Variants in LYPD6B observed in about 807,000 individuals in gnomAD.
LYPD6B encodes the protein ly6/PLAUR domain-containing protein 6B.
A neutral mutation model predicts 22.8 loss-of-function variants in LYPD6B; 17 were observed. The ratio of observed to expected loss-of-function variants is 0.75; its 90% CI spans 0.51 to 1.12. LYPD6B has a LOEUF of 1.12. Ranked by LOEUF, LYPD6B falls within the 50% of genes most tolerant of loss-of-function variation. The pLI, the probability that LYPD6B is intolerant of heterozygous loss-of-function variation, is 0.00. For missense variants in LYPD6B, 221 were observed against 258.3 expected (o/e 0.86, Z 0.99); for synonymous variants, 106 against 91.6 (o/e 1.16, Z -0.90).
At chr2:149,156,217 G>C (rs1018188554) in intron 2 of LYPD6B, among the ~76,000 whole-genome samples, 1 of 152,118 alleles carries the variant, frequency 6.6e-6, no homozygotes, top group Non-Finnish European at 1.5e-5. Context: ...GGAAGGCAGT[G>C]GTCTCCTGTT....
chr2:149,057,766 G>A (rs1683873551), intron 1 of LYPD6B, among the ~76,000 whole-genome samples: 1 of 152,172 alleles, frequency 6.6e-6, no homozygotes, highest in African/African-American at 2.4e-5. Context: ...GAAAGGGGGT[G>A]GAAAGGGGAT....
chr2:149,198,318 A>G (rs1234794058), intron 3 of LYPD6B, among the ~76,000 whole-genome samples: 1 of 152,206 alleles, frequency 6.6e-6, no homozygotes, highest in Non-Finnish European at 1.5e-5. Context: ...CTGGGATTAC[A>G]GGCATGAGCC....
At chr2:149,097,338 G>T (rs1230792352) in intron 1 of LYPD6B, among the ~76,000 whole-genome samples, 3 of 152,258 alleles carry the variant, frequency 2.0e-5, no homozygotes, top group Non-Finnish European at 4.4e-5. Context: ...CCAACAGGAT[G>T]CTAGGGAGGA....
intron 1 of LYPD6B, among the ~76,000 whole-genome samples, chr2:149,120,383 A>ATATATATTTTTTT (rs1327065975): frequency 8.2e-5 from 4 of 48,610 alleles, no homozygotes; most frequent in African/African-American, 4.3e-4. Context: ...ATATATATAT[A>ATATATATTTTTTT]TTTTTTTTTT....
chr2:149,039,219 G>A (rs918966778), intron 1 of LYPD6B, among the ~76,000 whole-genome samples: 1 of 152,244 alleles, frequency 6.6e-6, no homozygotes, highest in South Asian at 2.1e-4. Context: ...CCAAGAGCGA[G>A]CGTGCCAGCT....
intron 1 of LYPD6B, among the ~76,000 whole-genome samples, chr2:149,099,477 A>ACCTAGGATCCTTGGTCCCCTCT (rs869127273): frequency 1.1e-5 from 1 of 92,424 alleles, no homozygotes; most frequent in Non-Finnish European, 2.4e-5. Flanking sequence ...TGGTCCCCTC[A>ACCTAGGATCCTTGGTCCCCTCT]TGGTAGGGTC....
At chr2:149,172,979 CATATAT>C (rs35825610) in intron 3 of LYPD6B, among the ~76,000 whole-genome samples, 1 of 148,442 alleles carries the variant, frequency 6.7e-6, no homozygotes, top group Non-Finnish European at 1.5e-5. Flanking sequence ...TTTTAATAAG[CATATAT>C]ATATATATAT....
intron 1 of LYPD6B, among the ~76,000 whole-genome samples, chr2:149,042,219 T>A (rs561440667): frequency 6.6e-6 from 1 of 152,346 alleles, no homozygotes; most frequent in Middle Eastern, 3.4e-3. Flanking sequence ...CTTTGGTAGT[T>A]GCATTTAGTA....
intron 1 of LYPD6B, among the ~76,000 whole-genome samples, chr2:149,130,579 A>C (rs896960507): frequency 6.6e-6 from 1 of 152,178 alleles, no homozygotes; most frequent in African/African-American, 2.4e-5. Flanking sequence ...GAGCTGGATT[A>C]AGTGATTTTC....
rs1031707654 is a variant in LYPD6B, at chr2:149,194,707, T to C, written c.78-10546T>C. Among the ~76,000 whole-genome samples, 19 of 152,290 alleles carry C rather than the reference T, an allele frequency of 1.2e-4. No individual in the cohort carries two copies. In the South Asian group the frequency reaches 3.9e-3, roughly 32 times the overall value. On this transcript the variant is annotated intron_variant, in intron 3 of 6. Transcript: ENST00000409642. Reference sequence around the variant, plus strand: ...CATCTGCCAGTCTACCAGCACCTGCTATTGGCCAAACCAAACCAGCAGCCA... The same window carrying C: ...CATCTGCCAGTCTACCAGCACCTGCCATTGGCCAAACCAAACCAGCAGCCA...
intron 3 of LYPD6B, among the ~76,000 whole-genome samples, chr2:149,191,294 A>C (rs111522885): frequency 0.11 from 16,493 of 152,220 alleles, 1,001 homozygotes; most frequent in Non-Finnish European, 0.11. Context: ...ACTTAATTAA[A>C]TAATGTAAAA....
intron 2 of LYPD6B, among the ~76,000 whole-genome samples, chr2:149,134,684 G>A (rs6730642): frequency 0.24 from 36,681 of 152,098 alleles, 5,702 homozygotes; most frequent in East Asian, 0.54. Flanking sequence ...TGGTATGGGA[G>A]GAGGCAAAGG....
intron 1 of LYPD6B, among the ~76,000 whole-genome samples, chr2:149,089,886 G>A (rs1236270461): frequency 6.6e-6 from 1 of 152,214 alleles, no homozygotes; most frequent in Non-Finnish European, 1.5e-5. Context: ...GGCTGGGTGG[G>A]TGAGTGTTTG....
chr2:149,192,800 G>A (rs565864176), intron 3 of LYPD6B, among the ~76,000 whole-genome samples: 10 of 152,256 alleles, frequency 6.6e-5, no homozygotes, highest in Non-Finnish European at 1.5e-4. Context: ...ACACTAAAGG[G>A]TAAATGCAAA....
At chr2:149,096,399 G>T (rs1356734003) in intron 1 of LYPD6B, among the ~76,000 whole-genome samples, 1 of 152,198 alleles carries the variant, frequency 6.6e-6, no homozygotes, top group Non-Finnish European at 1.5e-5. Context: ...CCGCACAAAT[G>T]TAAGTTTGTT....
chr2:149,113,005 A>C (rs146645062), intron 1 of LYPD6B, among the ~76,000 whole-genome samples: 2 of 152,316 alleles, frequency 1.3e-5, no homozygotes, highest in Non-Finnish European at 2.9e-5. Flanking sequence ...GAAGGCAGAT[A>C]GAAGGTATGG....
chr2:149,065,132 A>G (rs1684262984), intron 1 of LYPD6B, among the ~76,000 whole-genome samples: 2 of 152,190 alleles, frequency 1.3e-5, no homozygotes. Flanking sequence ...CATGAAGTGT[A>G]TGTCTGCCTT....
At chr2:149,079,973 T>C (rs1371800453) in intron 1 of LYPD6B, among the ~76,000 whole-genome samples, 2 of 152,238 alleles carry the variant, frequency 1.3e-5, no homozygotes, top group Non-Finnish European at 2.9e-5. Flanking sequence ...TGCACTTCTT[T>C]CCCGATTTCT....
At chr2:149,097,372 C>G (rs1341747873) in intron 1 of LYPD6B, among the ~76,000 whole-genome samples, 2 of 152,236 alleles carry the variant, frequency 1.3e-5, no homozygotes, top group Non-Finnish European at 2.9e-5. Context: ...TACACCATAC[C>G]TGGAAACACA....
Sources: allele counts gnomAD v4.1 joint callset (sites outside exome capture counted in the v4.1 genomes callset), GRCh38; gene constraint gnomAD v4.1.1; transcripts MANE v1.5; gene names NCBI Gene and HGNC (gene_info 2026-07-23, HGNC 2026-07-21).